TOM1L2: variants seen among roughly 807,000 people sequenced by gnomAD.
TOM1L2 encodes TOM1-like protein 2.
TOM1L2 carries 31 observed loss-of-function variants against 67.9 expected under a neutral mutation model. The ratio of observed to expected loss-of-function variants is 0.46; its 90% confidence interval spans 0.34 to 0.62. TOM1L2 has a LOEUF of 0.62. Among genes scored for constraint, TOM1L2 ranks in the 20% least tolerant of loss-of-function variants. The pLI is 0.01. For synonymous variants in TOM1L2, 256 were observed against 254.0 expected (o/e 1.01, Z -0.07); for missense variants, 606 against 663.5 (o/e 0.91, Z 0.95).
At chr17:17,953,494 G>A (rs1047265280) in intron 1 of TOM1L2, among the ~76,000 whole-genome samples, 1 of 152,168 alleles carries the variant, frequency 6.6e-6, no homozygotes, top group Non-Finnish European at 1.5e-5. Flanking sequence ...CACTGTCCCT[G>A]CAAAAGGCGT....
intron 1 of TOM1L2, among the ~76,000 whole-genome samples, chr17:17,955,394 A>G (rs1386189063): frequency 7.0e-6 from 1 of 142,284 alleles, no homozygotes; most frequent in Non-Finnish European, 1.5e-5. Flanking sequence ...GCTGGAGTAC[A>G]GTGACGACAT....
intron 1 of TOM1L2, among the ~76,000 whole-genome samples, chr17:17,913,629 A>C (rs866655077): frequency 1.7e-4 from 26 of 152,306 alleles, no homozygotes; most frequent in Middle Eastern, 3.4e-3. Flanking sequence ...GAAAAGAAAG[A>C]AGCATTCTTT....
At chr17:17,891,879 C>A (rs1437263422) in intron 4 of TOM1L2, among the ~76,000 whole-genome samples, 2 of 151,670 alleles carry the variant, frequency 1.3e-5, no homozygotes, top group Non-Finnish European at 1.5e-5. Flanking sequence ...CGAGGGACAA[C>A]CCTAGGGTAA....
At position 17,941,569 on chromosome 17, in the gene TOM1L2, C is replaced by T. The variant is rs187331191; in HGVS notation, c.52+30693G>A. On this transcript the variant is annotated intron_variant, in intron 1 of 14. Coordinates refer to ENST00000379504, the MANE Select transcript of TOM1L2 (RefSeq NM_001082968.2). Reference sequence around the variant, plus strand: ...ATTCCAAGCCACGAGGAGATATCCACGGGCAGTCTAAGTCTTCCCTGTGGG... The same window carrying T: ...ATTCCAAGCCACGAGGAGATATCCATGGGCAGTCTAAGTCTTCCCTGTGGG... Among the ~76,000 whole-genome samples, 396 of 152,266 alleles carry T rather than the reference C, an allele frequency of 2.6e-3. 1 individual carries two copies. Among genetic ancestry groups the T allele is most frequent in the Non-Finnish European group, 2.3e-3 (154 of 68,024 alleles).
At chr17:17,899,545 A>C (rs1490123723) in intron 2 of TOM1L2, among the ~76,000 whole-genome samples, 1 of 152,246 alleles carries the variant, frequency 6.6e-6, no homozygotes, top group Non-Finnish European at 1.5e-5. Flanking sequence ...CTCTAAGTAT[A>C]CATATTACAT....
At position 17,888,690 on chromosome 17, in the gene TOM1L2, T is replaced by C. The variant is rs1369783259; in HGVS notation, c.367-3922A>G. Among the ~76,000 whole-genome samples, 4 of 152,166 alleles carry C rather than the reference T, an allele frequency of 2.6e-5. No homozygotes were observed. The East Asian group carries it at 7.7e-4, about 29-fold the overall frequency. On this transcript the variant is annotated intron_variant, in intron 4 of 14. Coordinates refer to ENST00000379504, the MANE Select transcript of TOM1L2 (RefSeq NM_001082968.2). ...CACTTTCTTCAGTGGAAAGTGCATA[T>C]GGTTAGACTATTGCTGGGGCATGGG...
At chr17:17,880,155 A>G (rs1359186389) in intron 6 of TOM1L2, among the ~76,000 whole-genome samples, 1 of 152,180 alleles carries the variant, frequency 6.6e-6, no homozygotes, top group Non-Finnish European at 1.5e-5. Flanking sequence ...ATCCCTTCAG[A>G]GCTGAGATCC....
intron 12 of TOM1L2, chr17:17,857,958 G>A (rs2036336783): frequency 2.8e-6 from 3 of 1,060,454 alleles, no homozygotes; most frequent in Non-Finnish European, 4.2e-6. Flanking sequence ...TGCCACGTAA[G>A]GAAATGTGAT....
intron 1 of TOM1L2, among the ~76,000 whole-genome samples, chr17:17,933,945 A>G (rs1218238532): frequency 6.6e-6 from 1 of 152,200 alleles, no homozygotes; most frequent in Non-Finnish European, 1.5e-5. Context: ...ACCCTGCCTG[A>G]GATGACAGTA....
Position 17,869,400 on chromosome 17 carries a change from A to T in TOM1L2, c.851T>A (p.Val284Asp), listed in dbSNP as rs2037032322. 6.2e-7 allele frequency: 1 copy of T among 1,613,294 alleles called. No homozygotes were observed. The highest frequency in any genetic ancestry group is 8.5e-7 in the Non-Finnish European group (1 of 1,179,994). The change falls in exon 8 of 15, where the codon GTC becomes GAC. Residue 284 changes from valine to aspartate, a missense_variant. Val to Asp is a radical substitution (Grantham distance 152). Transcript: ENST00000379504. ...ELISRVSNEE[V>D]TEELLHVNDD... ...GTTCACATGCAGCAGCTCCTCGGTG[A>T]CCTCCTCATTGGACACGCGGGAGAT...
intron 1 of TOM1L2, among the ~76,000 whole-genome samples, chr17:17,931,634 G>C (rs2040339666): frequency 6.6e-6 from 1 of 152,182 alleles, no homozygotes. Flanking sequence ...CCTTACACAT[G>C]AGGGGACCTC....
chr17:17,884,215 G>C, intron 5 of TOM1L2, among the ~76,000 whole-genome samples: 1 of 152,148 alleles, frequency 6.6e-6, no homozygotes, highest in South Asian at 2.1e-4. Context: ...AGATCCATTT[G>C]ACTTGGTACA....
chr17:17,906,132 ATTT>A (rs903080193), intron 2 of TOM1L2, among the ~76,000 whole-genome samples: 1 of 34,722 alleles, frequency 2.9e-5, no homozygotes, highest in African/African-American at 2.6e-4. Context: ...TTCTCTTTTC[ATTT>A]TTTTTTTTTT....
chr17:17,868,637 G>A (rs1279892042), intron 8 of TOM1L2, among the ~76,000 whole-genome samples: 1 of 152,150 alleles, frequency 6.6e-6, no homozygotes, highest in East Asian at 1.9e-4. Context: ...GTGATGAGAT[G>A]GGAACTGTGC....
chr17:17,899,534 C>A (rs2038742055), intron 2 of TOM1L2, among the ~76,000 whole-genome samples: 1 of 152,202 alleles, frequency 6.6e-6, no homozygotes, highest in Non-Finnish European at 1.5e-5. Context: ...CCCAGGCAGC[C>A]CTCTAAGTAT....
Position 17,921,465 on chromosome 17 carries a change from A to C in TOM1L2, c.53-13934T>G, listed in dbSNP as rs150281431. Among the ~76,000 whole-genome samples the C allele has an allele frequency of 2.6e-3, 392 of 152,212 alleles. 3 individuals are homozygous for C. The highest frequency in any genetic ancestry group is 4.2e-3 in the Non-Finnish European group (283 of 68,012). On this transcript the variant is annotated intron_variant, in intron 1 of 14. Transcript: ENST00000379504. ...GCCGTTCTTTGTACTTAATGGAATA[A>C]CTTACGTGTGAGTCAGTGTGTGAGA...
chr17:17,873,708 T>C (rs995516589), intron 7 of TOM1L2, among the ~76,000 whole-genome samples: 5 of 152,212 alleles, frequency 3.3e-5, no homozygotes, highest in Admixed American at 3.3e-4. Flanking sequence ...GCAAGTAGCC[T>C]GTGACTGGAT....
At chr17:17,954,581 G>A (rs1302261950) in intron 1 of TOM1L2, among the ~76,000 whole-genome samples, 1 of 152,128 alleles carries the variant, frequency 6.6e-6, no homozygotes, top group Non-Finnish European at 1.5e-5. Context: ...CCAAAGTGCT[G>A]GGATTACAAG....
chr17:17,884,799 T>C (rs745531283), intron 4 of TOM1L2, 31 bp from the exon 5 acceptor site: 13 of 1,611,876 alleles, frequency 8.1e-6, no homozygotes, highest in Non-Finnish European at 1.0e-5. Context: ...TTAGGAAGCA[T>C]TTCTCAGAGC....
Sources: allele counts gnomAD v4.1 joint callset (sites outside exome capture counted in the v4.1 genomes callset), GRCh38; gene constraint gnomAD v4.1.1; transcripts MANE v1.5; gene names NCBI Gene and HGNC (gene_info 2026-07-23, HGNC 2026-07-21).